The following FOXP4 variants were observed in gnomAD, a reference collection of about 807,000 sequenced individuals.
FOXP4 encodes the protein forkhead box protein P4.
A neutral mutation model predicts 82.6 loss-of-function variants in FOXP4; 25 were observed. The observed-to-expected ratio is 0.30, with a 90% confidence interval of 0.22 to 0.42. The LOEUF is 0.42. Ranked by LOEUF, FOXP4 falls within the 10% of genes least tolerant of loss-of-function variation. FOXP4 has a pLI of 1.00. For synonymous variants in FOXP4, 415 were observed against 388.2 expected, an observed-to-expected ratio of 1.07 and a Z score of -0.81; for missense variants, 785 against 900.9, an observed-to-expected ratio of 0.87 and a Z score of 1.65.
intron 3 of FOXP4, among the ~76,000 whole-genome samples, chr6:41,584,302 T>C (rs912883): frequency 0.4 from 60,625 of 152,162 alleles, 12,765 homozygotes; most frequent in African/African-American, 0.52. Context: ...CAGCCAGGCC[T>C]ACCTTGCAGG....
rs946664487 is a variant in FOXP4, at chr6:41,591,121, C to T, written c.1435-100C>T. 15 of 940,032 alleles carry T rather than the reference C, an allele frequency of 1.6e-5. No individual in the cohort carries two copies. The highest frequency in any genetic ancestry group is 1.1e-4 in the South Asian group (8 of 70,158). 58.2% of individuals were successfully genotyped at this position (940,032 alleles called of 1,614,324 possible). ...AGCAGGTCTTCTCACAAAGTGAACT[C>T]GGGGCTAGGCAGAAGGGAGAGGTAC... On this transcript the variant is annotated intron_variant, in intron 12 of 16. Transcript: ENST00000307972. This position sits in a 1 kb window ranked among gnomAD's most constrained non-coding sequence, Gnocchi z 4.2.
chr6:41,581,014 G>A (rs1298062217), intron 3 of FOXP4, among the ~76,000 whole-genome samples: 1 of 152,240 alleles, frequency 6.6e-6, no homozygotes, highest in Non-Finnish European at 1.5e-5. Context: ...TATCATAGAA[G>A]GCAGCACAGG....
intron 14 of FOXP4, among the ~76,000 whole-genome samples, chr6:41,595,809 G>T (rs572653772): frequency 1.3e-5 from 2 of 152,224 alleles, no homozygotes; most frequent in Non-Finnish European, 2.9e-5. Context: ...TCACCACGTT[G>T]GTCAGGCTGG....
intron 14 of FOXP4, among the ~76,000 whole-genome samples, chr6:41,595,269 A>G (rs896746853): frequency 2.0e-5 from 3 of 152,198 alleles, no homozygotes; most frequent in African/African-American, 4.8e-5. Flanking sequence ...AAAGAGAGAC[A>G]GGGGCCCCAA....
At chr6:41,566,529 C>G (rs770622982) in intron 2 of FOXP4, among the ~76,000 whole-genome samples, 15 of 152,198 alleles carry the variant, frequency 9.9e-5, no homozygotes, top group Non-Finnish European at 1.9e-4. Context: ...GAATCCCTGT[C>G]TGTGTCTTAT....
At chr6:41,557,791 T>C (rs949469292) in intron 1 of FOXP4, among the ~76,000 whole-genome samples, 2 of 151,742 alleles carry the variant, frequency 1.3e-5, no homozygotes, top group African/African-American at 4.9e-5. Context: ...TTTTTTTTTC[T>C]TTTTTTCAAA....
intron 2 of FOXP4, among the ~76,000 whole-genome samples, chr6:41,567,640 G>T (rs369807351): frequency 2.4e-4 from 36 of 152,310 alleles, no homozygotes; most frequent in Middle Eastern, 3.4e-3. Context: ...ACTGAAACTG[G>T]AAAGTTTCTT....
chr6:41,589,670 G>C (rs1766372211), intron 9 of FOXP4, 101 bp from the exon 10 acceptor site: 1 of 1,205,536 alleles, frequency 8.3e-7, no homozygotes, highest in East Asian at 2.4e-5. Context: ...ATGGGGGTGG[G>C]AATCGGCGGC....
chr6:41,589,238 A>G (rs1766346872), intron 9 of FOXP4, among the ~76,000 whole-genome samples: 1 of 152,246 alleles, frequency 6.6e-6, no homozygotes, highest in African/African-American at 2.4e-5. Flanking sequence ...ACTCAGCAGC[A>G]CAGGGTTCCC....
chr6:41,583,887 G>T (rs1026760588), intron 3 of FOXP4, among the ~76,000 whole-genome samples: 1 of 152,188 alleles, frequency 6.6e-6, no homozygotes. Flanking sequence ...CCCAGGGCAG[G>T]GGGTAGAAAG....
chr6:41,576,420 T>C (rs1208102935), intron 2 of FOXP4, among the ~76,000 whole-genome samples: 1 of 152,166 alleles, frequency 6.6e-6, no homozygotes, highest in East Asian at 1.9e-4. Context: ...TCTTTGCTTG[T>C]TGAGCGATGA....
chr6:41,556,900 G>A (rs892275990), intron 1 of FOXP4, among the ~76,000 whole-genome samples: 1 of 152,200 alleles, frequency 6.6e-6, no homozygotes, highest in Non-Finnish European at 1.5e-5. Context: ...TGAAGAGTGC[G>A]ATTTAATTGA....
Position 41,599,471 on chromosome 6 carries a change from G to A in FOXP4, c.*535G>A, listed in dbSNP as rs1767090200. On this transcript the variant is annotated 3_prime_UTR_variant, in exon 17 of 17. Transcript: ENST00000307972. The stretch of plus-strand genomic sequence containing the variant: ...CTGCCCTGGCCTGGGTGGAGGAACT[G>A]TGCCTCCATCCCCAGAAGAAACAGC... 1 of 153,676 alleles carries A rather than the reference G, an allele frequency of 6.5e-6. No homozygotes were observed. Among genetic ancestry groups the A allele is most frequent in the Non-Finnish European group, 1.5e-5 (1 of 68,908 alleles). The allele number at this position is 153,676 out of a possible 1,614,324, so 9.5% of individuals were successfully genotyped here. A position where few individuals can be genotyped will look rare whatever the true frequency, so the allele number is the denominator to read the frequency against.
intron 2 of FOXP4, among the ~76,000 whole-genome samples, chr6:41,576,049 AC>A (rs551678460): frequency 0.011 from 1,446 of 126,900 alleles, 9 homozygotes; most frequent in Admixed American, 0.029. Flanking sequence ...CTCACCCGCA[AC>A]CCCCCCCCCC....
intron 1 of FOXP4, among the ~76,000 whole-genome samples, chr6:41,560,764 C>T (rs1764528756): frequency 6.6e-6 from 1 of 152,236 alleles, no homozygotes; most frequent in African/African-American, 2.4e-5. Context: ...GGGTTCGCGG[C>T]GAGGCGCAGG....
At chr6:41,579,212 C>T (rs1049929834) in intron 3 of FOXP4, among the ~76,000 whole-genome samples, 3 of 152,072 alleles carry the variant, frequency 2.0e-5, no homozygotes, top group African/African-American at 4.8e-5. Flanking sequence ...AGACAACCCT[C>T]AAAGGGGAGG....
rs138103012 is a variant in FOXP4 at position 41,578,101 on chromosome 6, G to A, written c.300+20G>A. 9.9e-5 allele frequency: 159 copies of A among 1,604,712 alleles called. 2 individuals carry two copies. In the East Asian group the frequency reaches 3.4e-3, roughly 34 times the overall value. The stretch of plus-strand genomic sequence containing the variant: ...GTGCAGGTGAGGAAGAGAGCACCCC[G>A]CTGGCTCTGGGTTGGGCTGGAGTGT... On this transcript the variant is annotated intron_variant, in intron 3 of 16. Coordinates refer to ENST00000307972, the MANE Select transcript of FOXP4 (RefSeq NM_001012426.2).
At chr6:41,573,560 G>C (rs1388633579) in intron 2 of FOXP4, among the ~76,000 whole-genome samples, 1 of 152,122 alleles carries the variant, frequency 6.6e-6, no homozygotes, top group Non-Finnish European at 1.5e-5. Flanking sequence ...GCTGGAAGAG[G>C]GTTTGGTTAG....
intron 3 of FOXP4, among the ~76,000 whole-genome samples, chr6:41,584,379 G>T (rs1381643068): frequency 6.6e-6 from 1 of 152,202 alleles, no homozygotes; most frequent in Non-Finnish European, 1.5e-5. Context: ...CCCATTACTG[G>T]GGGGAACCAG....
Sources: allele counts gnomAD v4.1 joint callset (sites outside exome capture counted in the v4.1 genomes callset), GRCh38; gene constraint gnomAD v4.1.1; non-coding constraint Gnocchi (gnomAD v3.1); transcripts MANE v1.5; gene names NCBI Gene and HGNC (gene_info 2026-07-23, HGNC 2026-07-21).